QTMAN: variants seen among roughly 807,000 people sequenced by gnomAD.
QTMAN encodes tRNA-queuosine alpha-mannosyltransferase.
the QTMAN span, among the ~76,000 whole-genome samples, chr2:144,075,916 T>C: frequency 6.6e-6 from 1 of 152,236 alleles, no homozygotes; most frequent in Non-Finnish European, 1.5e-5. Context: ...ACATAAATGA[T>C]AGGCAACTGC....
chr2:143,979,769 AAAGT>A, the QTMAN span, among the ~76,000 whole-genome samples: 3 of 152,178 alleles, frequency 2.0e-5, no homozygotes, highest in South Asian at 6.2e-4. Flanking sequence ...GTTTTTATAT[AAAGT>A]AATTATCCTA....
At chr2:144,174,885 T>C in the QTMAN span, among the ~76,000 whole-genome samples, 2 of 152,164 alleles carry the variant, frequency 1.3e-5, no homozygotes, top group South Asian at 4.1e-4. Flanking sequence ...TATTTCTTCA[T>C]AGGAGTATGA....
At chr2:143,946,420 CT>C in the QTMAN span, 1 of 152,432 alleles carries the variant, frequency 6.6e-6, no homozygotes, top group African/African-American at 2.4e-5. Context: ...TTAAAACCCC[CT>C]GTGCCTGAGA....
chr2:144,007,403 A>G, the QTMAN span: 2 of 1,613,240 alleles, frequency 1.2e-6, no homozygotes, highest in South Asian at 1.1e-5. Flanking sequence ...ACTCTGAATT[A>G]AAATTCTTCA....
the QTMAN span, among the ~76,000 whole-genome samples, chr2:144,092,800 C>T: frequency 8.6e-5 from 13 of 151,368 alleles, no homozygotes; most frequent in Non-Finnish European, 1.8e-4. Context: ...TATTATATAT[C>T]ATAGGGCTTT....
chr2:144,230,644 G>A, the QTMAN span, among the ~76,000 whole-genome samples: 2 of 152,084 alleles, frequency 1.3e-5, no homozygotes, highest in East Asian at 1.9e-4. Flanking sequence ...AAAGCAATAG[G>A]GAAATACCCA....
chr2:144,116,057 G>C, the QTMAN span, among the ~76,000 whole-genome samples: 11 of 152,108 alleles, frequency 7.2e-5, no homozygotes, highest in Non-Finnish European at 1.3e-4. Flanking sequence ...TGAGTAATAA[G>C]TTGTATGAGT....
At chr2:144,179,330 T>G in the QTMAN span, among the ~76,000 whole-genome samples, 1 of 152,276 alleles carries the variant, frequency 6.6e-6, no homozygotes, top group African/African-American at 2.4e-5. Flanking sequence ...TCTCAGTATA[T>G]TTCCACATGT....
the QTMAN span, among the ~76,000 whole-genome samples, chr2:144,241,638 CTTTT>C: frequency 6.6e-6 from 1 of 152,232 alleles, no homozygotes; most frequent in South Asian, 2.1e-4. Flanking sequence ...GCTGATCTTT[CTTTT>C]TTATTCTTCT....
the QTMAN span, among the ~76,000 whole-genome samples, chr2:144,087,379 T>G: frequency 1.3e-5 from 2 of 152,052 alleles, no homozygotes; most frequent in Admixed American, 6.6e-5. Context: ...TATCAAACAT[T>G]TAAGGGATAA....
chr2:144,044,150 G>T, the QTMAN span, among the ~76,000 whole-genome samples: 2 of 152,060 alleles, frequency 1.3e-5, no homozygotes. Context: ...ATCTCTTCCA[G>T]ATAGCTACCT....
chr2:144,208,816 C>A, the QTMAN span: 9 of 1,461,704 alleles, frequency 6.2e-6, no homozygotes, highest in East Asian at 2.4e-5. Context: ...TAAATAACAA[C>A]CAAAAAATGT....
the QTMAN span, among the ~76,000 whole-genome samples, chr2:144,161,773 T>G: frequency 6.6e-6 from 1 of 152,086 alleles, no homozygotes; most frequent in South Asian, 2.1e-4. Context: ...TATGAAGAAA[T>G]ATGTAAAGAA....
the QTMAN span, among the ~76,000 whole-genome samples, chr2:143,977,927 A>C: frequency 2.0e-5 from 3 of 152,164 alleles, no homozygotes; most frequent in Non-Finnish European, 2.9e-5. Context: ...TTTCCTTCCT[A>C]AAGTCTGTGA....
the QTMAN span, among the ~76,000 whole-genome samples, chr2:144,125,001 A>G: frequency 1.3e-5 from 2 of 152,270 alleles, no homozygotes; most frequent in South Asian, 4.1e-4. Flanking sequence ...AGTATTGCTA[A>G]GTCATCCCAG....
At chr2:143,951,490 T>C in the QTMAN span, among the ~76,000 whole-genome samples, 1 of 151,646 alleles carries the variant, frequency 6.6e-6, no homozygotes, top group Admixed American at 6.6e-5. Context: ...GTCATTTTTA[T>C]TAAACTGGAC....
chr2:144,146,615 T>C, the QTMAN span, among the ~76,000 whole-genome samples: 10 of 151,792 alleles, frequency 6.6e-5, no homozygotes, highest in Middle Eastern at 3.4e-3. Flanking sequence ...CACAAAACAT[T>C]AGAGAAACAA....
At chr2:144,257,180 A>T in the QTMAN span, among the ~76,000 whole-genome samples, 8 of 152,062 alleles carry the variant, frequency 5.3e-5, no homozygotes, top group African/African-American at 1.2e-4. Flanking sequence ...ATTTTTAAAA[A>T]TCTGCCAAAT....
At chr2:143,993,053 A>G in the QTMAN span, among the ~76,000 whole-genome samples, 28 of 152,204 alleles carry the variant, frequency 1.8e-4, no homozygotes, top group Non-Finnish European at 1.6e-4. Context: ...ACTTTTCTGT[A>G]TTTTTAAAAG....
Sources: gnomAD v4.1 joint callset for allele counts (sites outside exome capture counted in the v4.1 genomes callset) on GRCh38, gnomAD v4.1.1 for gene constraint, MANE v1.5 for transcripts, NCBI Gene and HGNC (gene_info 2026-07-23, HGNC 2026-07-21) for gene names.